PDE1C: variants seen among roughly 807,000 people sequenced by gnomAD.
PDE1C encodes the protein dual specificity calcium/calmodulin-dependent 3',5'-cyclic nucleotide phosphodiesterase 1C.
PDE1C carries 62 observed loss-of-function variants against 93.1 expected under a neutral mutation model. The observed-to-expected ratio is 0.67, with a 90% CI of 0.54 to 0.82. PDE1C has a LOEUF of 0.82. Among genes scored for constraint, PDE1C ranks in the 40% least tolerant of loss-of-function variants. The pLI, the probability that PDE1C is intolerant of heterozygous loss-of-function variation, is 0.00. For missense variants in PDE1C, 742 were observed against 884.6 expected (o/e 0.84, Z 2.04); for synonymous variants, 325 against 310.1 (o/e 1.05, Z -0.50).
chr7:31,779,536 C>A (rs999739286), intron 16 of PDE1C, among the ~76,000 whole-genome samples: 13 of 152,148 alleles, frequency 8.5e-5, no homozygotes, highest in African/African-American at 3.1e-4. Flanking sequence ...AAAAGCAGAA[C>A]TACAAGGCCT....
At chr7:32,339,363 C>A (rs879698745) in intron 1 of PDE1C, among the ~76,000 whole-genome samples, 1 of 152,112 alleles carries the variant, frequency 6.6e-6, no homozygotes, top group Admixed American at 6.5e-5. Context: ...GACAGAGGTA[C>A]GACGGAGCTG....
At chr7:32,064,559 C>T (rs1440019029) in intron 1 of PDE1C, among the ~76,000 whole-genome samples, 1 of 152,154 alleles carries the variant, frequency 6.6e-6, no homozygotes, top group Non-Finnish European at 1.5e-5. Flanking sequence ...CTGTCCTCCA[C>T]CCTTTTTCCA....
the PDE1C span, among the ~76,000 whole-genome samples, chr7:31,631,511 A>G: frequency 7.2e-5 from 11 of 152,314 alleles, no homozygotes; most frequent in East Asian, 2.1e-3. Flanking sequence ...TTATTTTTCC[A>G]AATTTTCTTT....
chr7:32,142,999 C>A (rs1410795503), intron 3 of PDE1C, among the ~76,000 whole-genome samples: 1 of 151,906 alleles, frequency 6.6e-6, no homozygotes, highest in Non-Finnish European at 1.5e-5. Flanking sequence ...TGTCTGTACC[C>A]TCAAAAAATG....
the PDE1C span, among the ~76,000 whole-genome samples, chr7:31,717,378 T>A: frequency 6.6e-6 from 1 of 152,200 alleles, no homozygotes; most frequent in African/African-American, 2.4e-5. Context: ...AACTGTCCTA[T>A]TTAACAGTCC....
chr7:32,286,244 G>A (rs755372190), intron 1 of PDE1C, among the ~76,000 whole-genome samples: 13 of 152,216 alleles, frequency 8.5e-5, no homozygotes, highest in Non-Finnish European at 1.8e-4. Flanking sequence ...TTTTACTGAA[G>A]ATATGTCCCA....
At chr7:32,285,069 C>T (rs142520177) in intron 1 of PDE1C, among the ~76,000 whole-genome samples, 93 of 151,914 alleles carry the variant, frequency 6.1e-4, no homozygotes, top group African/African-American at 2.2e-3. Flanking sequence ...GAAAAAAATG[C>T]ACTTGCCAGG....
intron 2 of PDE1C, among the ~76,000 whole-genome samples, chr7:32,188,238 A>C (rs1179473895): frequency 6.6e-6 from 1 of 152,068 alleles, no homozygotes; most frequent in African/African-American, 2.4e-5. Context: ...ACTAAAAAAA[A>C]TTATTTCTAT....
intron 17 of PDE1C, among the ~76,000 whole-genome samples, chr7:31,755,340 T>C (rs944204475): frequency 6.6e-6 from 1 of 152,166 alleles, no homozygotes; most frequent in Admixed American, 6.6e-5. Context: ...CACACATATA[T>C]TGTCTTGCTC....
chr7:31,976,754 T>C (rs1242689845), intron 2 of PDE1C, among the ~76,000 whole-genome samples: 2 of 152,300 alleles, frequency 1.3e-5, no homozygotes, highest in Middle Eastern at 3.4e-3. Context: ...AATTATATCA[T>C]GTGCCAAATC....
chr7:31,923,661 T>C (rs1212841744), intron 2 of PDE1C, among the ~76,000 whole-genome samples: 2 of 152,132 alleles, frequency 1.3e-5, no homozygotes, highest in Non-Finnish European at 2.9e-5. Flanking sequence ...ACTGAAAAGT[T>C]AGAAGCCTAT....
At chr7:31,902,572 T>C (rs1276846505) in intron 2 of PDE1C, among the ~76,000 whole-genome samples, 39 of 151,840 alleles carry the variant, frequency 2.6e-4, no homozygotes, top group Non-Finnish European at 3.0e-5. Context: ...TTCTAGTTAT[T>C]CATCTAATAA....
chr7:31,842,423 A>G (rs980525786), intron 9 of PDE1C, among the ~76,000 whole-genome samples: 15 of 152,128 alleles, frequency 9.9e-5, no homozygotes, highest in African/African-American at 3.6e-4. Context: ...AAGGCTGGAT[A>G]TTTCTTTGTG....
chr7:32,384,810 A>G (rs764854920), intron 1 of PDE1C, among the ~76,000 whole-genome samples: 1 of 152,218 alleles, frequency 6.6e-6, no homozygotes, highest in Non-Finnish European at 1.5e-5. Context: ...GATTTTGTTT[A>G]ATGCAAATTC....
the PDE1C span, among the ~76,000 whole-genome samples, chr7:31,645,840 C>G: frequency 6.6e-6 from 1 of 152,078 alleles, no homozygotes; most frequent in Non-Finnish European, 1.5e-5. Flanking sequence ...ACAGCCACCA[C>G]AACAATGAAT....
chr7:32,014,089 G>C (rs1185265988), intron 2 of PDE1C, among the ~76,000 whole-genome samples: 1 of 152,232 alleles, frequency 6.6e-6, no homozygotes, highest in Non-Finnish European at 1.5e-5. Context: ...GTTATGCAAA[G>C]AGACTGGTCG....
intron 8 of PDE1C, 48 bp from the exon 9 acceptor site, chr7:31,848,144 T>C (rs759645401): frequency 2.0e-5 from 32 of 1,596,990 alleles, no homozygotes; most frequent in Admixed American, 8.4e-5. Flanking sequence ...AGTTGTGATT[T>C]ACTTGGGTAA....
chr7:32,046,773 G>A (rs543381367), intron 2 of PDE1C, among the ~76,000 whole-genome samples: 5 of 152,056 alleles, frequency 3.3e-5, no homozygotes, highest in Non-Finnish European at 7.4e-5. Context: ...CACAGTAAGA[G>A]CTAGAACTTC....
chr7:32,145,680 G>T (rs1202591322), intron 3 of PDE1C, among the ~76,000 whole-genome samples: 1 of 151,754 alleles, frequency 6.6e-6, no homozygotes, highest in Non-Finnish European at 1.5e-5. Flanking sequence ...ATTCAAAATA[G>T]TGCCTTGAAT....
Sources: allele counts gnomAD v4.1 joint callset (sites outside exome capture counted in the v4.1 genomes callset), GRCh38; gene constraint gnomAD v4.1.1; transcripts MANE v1.5; gene names NCBI Gene and HGNC (gene_info 2026-07-23, HGNC 2026-07-21).